Variants in LURAP1 observed in about 807,000 individuals in gnomAD.
LURAP1 encodes leucine rich adaptor protein 1.
LURAP1 carries 14 observed loss-of-function variants against 19.0 expected under a neutral mutation model. The ratio of observed to expected loss-of-function variants is 0.74; its 90% CI spans 0.49 to 1.15. The LOEUF is 1.15. Ranked by LOEUF, LURAP1 falls within the 50% of genes most tolerant of loss-of-function variation. LURAP1 has a pLI of 0.00. For synonymous variants in LURAP1, 129 were observed against 131.8 expected (o/e 0.98, Z 0.14); for missense variants, 273 against 309.1 (o/e 0.88, Z 0.87).
intron 1 of LURAP1, among the ~76,000 whole-genome samples, chr1:46,215,852 G>A (rs1296909817): frequency 6.6e-6 from 1 of 151,964 alleles, no homozygotes; most frequent in Non-Finnish European, 1.5e-5. Flanking sequence ...AACCATGATT[G>A]TGCCACCACT....
In LURAP1 at chr1:46,219,789, C is replaced by T. The variant is rs776263232; in HGVS notation, c.289C>T (p.Arg97Trp). Residue 97 changes from arginine to tryptophan, a missense_variant, in exon 2 of 2, where the codon CGG (arginine) becomes TGG (tryptophan). Coordinates refer to ENST00000371980, the MANE Select transcript of LURAP1 (RefSeq NM_001013615.3). ...GGCAGTGCGCTGGCTGTTGGAGGAG[C>T]GGGGGACGTTGACCAGTCATTGCAG... ...IEAVRWLLEE[R>W]GTLTSHCSSL... The T allele has an allele frequency of 1.2e-5, 20 of 1,614,144 alleles. No homozygotes were observed. The highest frequency in any genetic ancestry group is 8.9e-5 in the East Asian group (4 of 44,890).
rs749786411 is a variant in LURAP1 at position 46,219,692 on chromosome 1, C to A, written c.199-7C>A. On this transcript the variant is annotated splice_polypyrimidine_tract_variant and splice_region_variant and intron_variant, in intron 1 of 1. Transcript: ENST00000371980. ...ACTGGGACTAATTCCTTCTCCCACT[C>A]CCCCAGGCTTACCTGCGAGCCATCG... is the stretch of plus-strand genomic sequence containing the variant. 1.9e-6 allele frequency: 3 copies of A among 1,573,152 alleles called. No individual in the cohort carries two copies. The highest frequency in any genetic ancestry group is 4.5e-5 in the East Asian group (2 of 44,594).
chr1:46,214,300 C>T (rs578142820), intron 1 of LURAP1, among the ~76,000 whole-genome samples: 3 of 150,492 alleles, frequency 2.0e-5, no homozygotes, highest in South Asian at 2.1e-4. Flanking sequence ...GAGCCGAGAT[C>T]GTGCCACTGC....
intron 1 of LURAP1, among the ~76,000 whole-genome samples, chr1:46,215,923 C>G (rs1274646662): frequency 1.3e-5 from 2 of 151,782 alleles, no homozygotes; most frequent in Non-Finnish European, 2.9e-5. Flanking sequence ...GACAATGGAA[C>G]AATGCCTTAA....
intron 1 of LURAP1, among the ~76,000 whole-genome samples, chr1:46,204,853 G>A (rs1367749701): frequency 6.6e-6 from 1 of 152,340 alleles, no homozygotes; most frequent in African/African-American, 2.4e-5. Flanking sequence ...CTGTCTACTT[G>A]CTTTGAAAAC....
chr1:46,203,368 A>AC lies in LURAP1; in HGVS notation c.-54dup. On this transcript the variant is annotated 5_prime_UTR_variant, in exon 1 of 2. Transcript: ENST00000371980. ...CCGCTTTAGCAGCGGCGAAGGGAGG[A>AC]CCCCCGGGAGCCGGTCCCCGGCGTC... The AC allele has an allele frequency of 2.1e-6, 3 of 1,404,548 alleles. No individual in the cohort carries two copies. Among genetic ancestry groups the AC allele is most frequent in the Non-Finnish European group, 2.8e-6 (3 of 1,066,876 alleles). The allele number at this position is 1,404,548 out of a possible 1,614,324, so 87.0% of individuals were successfully genotyped here. A position where few individuals can be genotyped will look rare whatever the true frequency, so the allele number is the denominator to read the frequency against.
At position 46,217,119 on chromosome 1, in the gene LURAP1, C is replaced by A. The variant is rs536307803; in HGVS notation, c.199-2580C>A. Reference sequence around the variant, plus strand: ...TAAATGAAAAAAGAAGATATGGAATCTAAGAAACGAGGGATCCAGCTAAGG... The same window carrying A: ...TAAATGAAAAAAGAAGATATGGAATATAAGAAACGAGGGATCCAGCTAAGG... On this transcript the variant is annotated intron_variant, in intron 1 of 1. Coordinates refer to ENST00000371980, the MANE Select transcript of LURAP1 (RefSeq NM_001013615.3). Among the ~76,000 whole-genome samples the A allele has an allele frequency of 2.6e-5, 4 of 152,240 alleles. No individual in the cohort carries two copies. The South Asian group carries it at 8.3e-4, about 32-fold the overall frequency.
At chr1:46,216,043 C>CT (rs141982741) in intron 1 of LURAP1, among the ~76,000 whole-genome samples, 41,160 of 92,800 alleles carry the variant, frequency 0.44, 10,685 homozygotes, top group Non-Finnish European at 0.55. Context: ...TTTATTTTAT[C>CT]TTTTTTTTTT....
In LURAP1 at chr1:46,203,366, G is replaced by A. The variant is rs1324032811; in HGVS notation, c.-61G>A. On this transcript the variant is annotated 5_prime_UTR_variant, in exon 1 of 2. Coordinates refer to ENST00000371980, the MANE Select transcript of LURAP1 (RefSeq NM_001013615.3). ...CTCCGCTTTAGCAGCGGCGAAGGGAGGACCCCCGGGAGCCGGTCCCCGGCG... is the reference window on the plus strand; with the variant it reads ...CTCCGCTTTAGCAGCGGCGAAGGGAAGACCCCCGGGAGCCGGTCCCCGGCG... The A allele has an allele frequency of 4.3e-6, 6 of 1,407,894 alleles. No individual in the cohort carries two copies. The highest frequency in any genetic ancestry group is 4.7e-6 in the Non-Finnish European group (5 of 1,067,748). The allele number at this position is 1,407,894 out of a possible 1,614,324, so 87.2% of individuals were successfully genotyped here. A position where few individuals can be genotyped will look rare whatever the true frequency, so the allele number is the denominator to read the frequency against.
rs558377166 is a variant in LURAP1 at position 46,212,791 on chromosome 1, G to A, written c.199-6908G>A. On this transcript the variant is annotated intron_variant, in intron 1 of 1. Transcript: ENST00000371980. ...TTTTATTTTTTTGAGACAGAGTCTCGCTCTGTCGCCCAGGCTGGAGTGCAG... is the reference window on the plus strand; with the variant it reads ...TTTTATTTTTTTGAGACAGAGTCTCACTCTGTCGCCCAGGCTGGAGTGCAG... Among the ~76,000 whole-genome samples the A allele has an allele frequency of 4.2e-4, 64 of 151,384 alleles. 1 individual carries two copies. The South Asian group carries it at 0.013, about 31-fold the overall frequency.
chr1:46,216,885 G>A (rs1280442232), intron 1 of LURAP1, among the ~76,000 whole-genome samples: 1 of 152,154 alleles, frequency 6.6e-6, no homozygotes, highest in Non-Finnish European at 1.5e-5. Context: ...GTTAGAACAT[G>A]CAGTATTTGG....
chr1:46,206,196 C>G (rs995169980), intron 1 of LURAP1, among the ~76,000 whole-genome samples: 1 of 152,246 alleles, frequency 6.6e-6, no homozygotes, highest in Non-Finnish European at 1.5e-5. Flanking sequence ...AGTCTTGGCT[C>G]TGCTTCTGAA....
intron 1 of LURAP1, among the ~76,000 whole-genome samples, chr1:46,209,105 A>G (rs1263042343): frequency 6.6e-6 from 1 of 150,452 alleles, no homozygotes; most frequent in African/African-American, 2.4e-5. Flanking sequence ...GCTCACCGCA[A>G]CCTCCGCCTC....
In LURAP1 at chr1:46,219,994, C is replaced by T. The variant is rs1367488732; in HGVS notation, c.494C>T (p.Pro165Leu). ...GATGAACAGGGCCCACCTGGGGCTC[C>T]ACGTTCCGAGATGGACTGGGCAAAA... ...ELDEQGPPGA[P>L]RSEMDWAKVI... The change falls in exon 2 of 2, where the codon CCA (proline) becomes CTA (leucine). Residue 165 changes from proline to leucine, a missense_variant. By Grantham distance (98) the Pro-to-Leu change is moderately conservative. Coordinates refer to ENST00000371980, the MANE Select transcript of LURAP1 (RefSeq NM_001013615.3). The T allele has an allele frequency of 1.2e-6, 2 of 1,614,144 alleles. No homozygotes were observed. Among genetic ancestry groups the T allele is most frequent in the South Asian group, 1.1e-5 (1 of 91,092 alleles).
At chr1:46,212,462 T>G (rs1658930174) in intron 1 of LURAP1, among the ~76,000 whole-genome samples, 1 of 152,052 alleles carries the variant, frequency 6.6e-6, no homozygotes, top group Non-Finnish European at 1.5e-5. Flanking sequence ...TTTGTATTTT[T>G]AACAGAGACG....
intron 1 of LURAP1, among the ~76,000 whole-genome samples, chr1:46,207,519 T>C (rs1346239422): frequency 2.0e-5 from 3 of 151,950 alleles, no homozygotes. Context: ...TTTGCCACAC[T>C]GAACTTTTCT....
At chr1:46,211,754 A>T (rs1658902785) in intron 1 of LURAP1, among the ~76,000 whole-genome samples, 1 of 152,050 alleles carries the variant, frequency 6.6e-6, no homozygotes, top group Non-Finnish European at 1.5e-5. Flanking sequence ...TAATTTTCTC[A>T]ATGTACAAAT....
Position 46,203,577 on chromosome 1 carries a change from A to G in LURAP1, c.151A>G (p.Thr51Ala), listed in dbSNP as rs377472143. The G allele has an allele frequency of 4.4e-6, 7 of 1,579,558 alleles. No individual in the cohort carries two copies. In the African/African-American group the frequency reaches 5.5e-5, roughly 12 times the overall value. Residue 51 changes from threonine to alanine, a missense_variant, in exon 1 of 2, where the codon ACC (threonine) becomes GCC (alanine). Transcript: ENST00000371980. ...GALLLPGASS[T>A]GHDLGDKIMA... ...CCTGCTGCTCCCAGGGGCGTCTAGC[A>G]CCGGCCACGACTTGGGGGACAAGAT...
intron 1 of LURAP1, among the ~76,000 whole-genome samples, chr1:46,206,439 G>A (rs1215327812): frequency 1.3e-5 from 2 of 152,138 alleles, no homozygotes; most frequent in Admixed American, 1.3e-4. Flanking sequence ...GGACCCCAGC[G>A]CTGGGCAGAG....
Sources: allele counts gnomAD v4.1 joint callset (sites outside exome capture counted in the v4.1 genomes callset), GRCh38; gene constraint gnomAD v4.1.1; transcripts MANE v1.5; gene names NCBI Gene and HGNC (gene_info 2026-07-23, HGNC 2026-07-21).